Variants in TMEM132C observed in about 807,000 individuals in gnomAD.
The protein encoded by TMEM132C is protein phosphatase 1, regulatory subunit 152.
Under a neutral mutation model 61.4 loss-of-function variants are expected in TMEM132C, and 29 were observed. That is an observed-to-expected ratio of 0.47 (90% CI 0.35 to 0.64). TMEM132C has a LOEUF of 0.64. TMEM132C is among the 30% of genes least tolerant of loss of function. The probability of loss-of-function intolerance (pLI) is 0.00; values close to 1 mark genes in which losing one functional copy is unlikely to be tolerated. For missense variants in TMEM132C, 1,408 were observed against 1,476.9 expected, an observed-to-expected ratio of 0.95 and a Z score of 0.76; for synonymous variants, 656 against 633.1, an observed-to-expected ratio of 1.04 and a Z score of -0.54.
At chr12:128,526,258 A>G (rs1873081807) in intron 2 of TMEM132C, among the ~76,000 whole-genome samples, 1 of 152,224 alleles carries the variant, frequency 6.6e-6, no homozygotes, top group Non-Finnish European at 1.5e-5. Flanking sequence ...CTTATAGACA[A>G]CAGAATTTAA....
chr12:128,615,032 C>G (rs1174458948), intron 3 of TMEM132C, among the ~76,000 whole-genome samples: 2 of 152,240 alleles, frequency 1.3e-5, no homozygotes, highest in East Asian at 3.8e-4. Context: ...CCCCAACTGC[C>G]TTCCTGGCTG....
At chr12:128,673,469 C>A (rs77045595) in intron 5 of TMEM132C, among the ~76,000 whole-genome samples, 1,563 of 152,328 alleles carry the variant, frequency 0.01, 35 homozygotes, top group African/African-American at 0.036. Flanking sequence ...AGCAGGCCAA[C>A]CTGACTTAAG....
chr12:128,401,710 T>G, intron 1 of TMEM132C, among the ~76,000 whole-genome samples: 1 of 152,184 alleles, frequency 6.6e-6, no homozygotes, highest in East Asian at 1.9e-4. Flanking sequence ...GGCTCTTTGC[T>G]TGGATCACTG....
chr12:128,302,511 G>T (rs1486188938), intron 1 of TMEM132C, among the ~76,000 whole-genome samples: 2 of 152,182 alleles, frequency 1.3e-5, no homozygotes, highest in African/African-American at 4.8e-5. Flanking sequence ...TAGGGCACTA[G>T]CTTTGTCCAG....
chr12:128,552,661 C>T (rs565505082), intron 3 of TMEM132C, among the ~76,000 whole-genome samples: 3 of 152,190 alleles, frequency 2.0e-5, no homozygotes, highest in Non-Finnish European at 2.9e-5. Context: ...GTAACCCCAG[C>T]ATTTTGGGAA....
At position 128,669,436 on chromosome 12, in the gene TMEM132C, C is replaced by T. The variant is rs1954508502; in HGVS notation, c.1325C>T (p.Thr442Ile). 2 of 1,551,478 alleles carry T rather than the reference C, an allele frequency of 1.3e-6. No homozygotes were observed. The highest frequency in any genetic ancestry group is 2.0e-5 in the Admixed American group (1 of 50,980). ...TGGCAGGACACTGAAATTCTGAACA[C>T]CGCCGTACTCACAGGAAAGACAGTT... ...PLAMDTEILNTAVLTGKTVAM... is the reference protein window; with the variant it reads ...PLAMDTEILNIAVLTGKTVAM... The change falls in exon 5 of 9, where the codon ACC becomes ATC. Residue 442 changes from threonine (T) to isoleucine (I), a missense_variant. Transcript: ENST00000435159.
chr12:128,424,046 C>CAA (rs144980387), intron 2 of TMEM132C, among the ~76,000 whole-genome samples: 1,280 of 71,778 alleles, frequency 0.018, 50 homozygotes, highest in Non-Finnish European at 0.023. Context: ...GACTCTGTCT[C>CAA]AAAAAAAAAA....
chr12:128,604,430 TAGATAGATAGA>T (rs1212371160), intron 3 of TMEM132C, among the ~76,000 whole-genome samples: 268 of 149,792 alleles, frequency 1.8e-3, no homozygotes, highest in African/African-American at 6.3e-3. Flanking sequence ...GATAGATAGA[TAGATAGATAGA>T]TAGATAGATA....
At chr12:128,461,164 C>T (rs2136069262) in intron 2 of TMEM132C, among the ~76,000 whole-genome samples, 1 of 152,236 alleles carries the variant, frequency 6.6e-6, no homozygotes, top group South Asian at 2.1e-4. Context: ...TTGCTCCTGG[C>T]AGCTATTAAT....
Position 128,643,514 on chromosome 12 carries a change from C to A in TMEM132C, c.1306-25903C>A, listed in dbSNP as rs141125786. Among the ~76,000 whole-genome samples the A allele has an allele frequency of 6.8e-3, 1,038 of 152,054 alleles. 7 individuals carry two copies. Among genetic ancestry groups the A allele is most frequent in the Non-Finnish European group, 8.6e-3 (588 of 67,994 alleles). On this transcript the variant is annotated intron_variant, in intron 4 of 8. Transcript: ENST00000435159. ...CTGGCCAGAGAGCAGCGGCAAGTCA[C>A]ATGCTCAGCTGACAGCATCACACAC...
intron 5 of TMEM132C, among the ~76,000 whole-genome samples, chr12:128,687,565 G>A (rs1017053942): frequency 2.0e-5 from 3 of 152,214 alleles, no homozygotes; most frequent in South Asian, 2.1e-4. Flanking sequence ...AGAACAGCAC[G>A]TGCAAAGGCC....
intron 2 of TMEM132C, among the ~76,000 whole-genome samples, chr12:128,427,387 G>GGT (rs761620460): frequency 0.066 from 8,685 of 132,116 alleles, 430 homozygotes; most frequent in East Asian, 0.17. Context: ...CTTCCAAAGG[G>GGT]GTGTGTGTGT....
rs1305681077 is a variant in TMEM132C, at chr12:128,697,337, C to T, written c.2043C>T (p.Ala681=). The T allele has an allele frequency of 2.6e-6, 4 of 1,551,102 alleles. No homozygotes were observed. The East Asian group carries it at 7.3e-5, about 28-fold the overall frequency. The change falls in exon 8 of 9, where the codon GCC becomes GCT. Residue 681 remains alanine (A), a synonymous_variant. Transcript: ENST00000435159. ...AIQLVAGLSV[A]LYPNAENSKA... ...AGCTCGTGGCTGGGCTGTCTGTCGC[C>T]CTTTACCCCAACGCAGAAAACAGCA...
rs751399839 is a variant in TMEM132C at position 128,705,685 on chromosome 12, G to A, written c.2717G>A (p.Ser906Asn). The part of the protein sequence containing the change: ...PAHVDLPKAG[S>N]GLEENDLVQT... ...CACGTGGACCTCCCCAAGGCCGGGAGTGGGCTGGAGGAAAACGACCTGGTG... is the reference window on the plus strand; with the variant it reads ...CACGTGGACCTCCCCAAGGCCGGGAATGGGCTGGAGGAAAACGACCTGGTG... The change falls in exon 9 of 9, where the codon AGT becomes AAT. Residue 906 changes from serine (S) to asparagine (N), a missense_variant. Ser to Asn is a conservative substitution (Grantham distance 46). Coordinates refer to ENST00000435159, the MANE Select transcript of TMEM132C (RefSeq NM_001136103.3). 26 of 1,551,324 alleles carry A rather than the reference G, an allele frequency of 1.7e-5. No individual in the cohort carries two copies. The highest frequency in any genetic ancestry group is 2.1e-5 in the Non-Finnish European group (24 of 1,146,990).
chr12:128,589,426 C>T (rs1294647587), intron 3 of TMEM132C, among the ~76,000 whole-genome samples: 1 of 152,080 alleles, frequency 6.6e-6, no homozygotes, highest in Non-Finnish European at 1.5e-5. Flanking sequence ...CCAACCCACA[C>T]TGCCCGTCCG....
chr12:128,656,163 C>T (rs1954323652), intron 4 of TMEM132C, among the ~76,000 whole-genome samples: 1 of 152,136 alleles, frequency 6.6e-6, no homozygotes, highest in Non-Finnish European at 1.5e-5. Flanking sequence ...CGATTCTCCT[C>T]CATCACCCTC....
intron 3 of TMEM132C, among the ~76,000 whole-genome samples, chr12:128,564,945 C>A (rs1347401650): frequency 6.6e-6 from 1 of 152,000 alleles, no homozygotes; most frequent in Non-Finnish European, 1.5e-5. Flanking sequence ...TGTTTTTAAC[C>A]AATATTATGG....
intron 1 of TMEM132C, among the ~76,000 whole-genome samples, chr12:128,364,402 C>G (rs1422484068): frequency 1.3e-5 from 2 of 151,582 alleles, no homozygotes; most frequent in Non-Finnish European, 2.9e-5. Flanking sequence ...CTGTCTGTCT[C>G]TTGCTCTTCC....
chr12:128,301,158 G>A (rs1871584324), intron 1 of TMEM132C, among the ~76,000 whole-genome samples: 1 of 152,306 alleles, frequency 6.6e-6, no homozygotes, highest in South Asian at 2.1e-4. Flanking sequence ...GGAAGCAGAA[G>A]TAGGAGAGCT....
Sources: allele counts gnomAD v4.1 joint callset (sites outside exome capture counted in the v4.1 genomes callset), GRCh38; gene constraint gnomAD v4.1.1; transcripts MANE v1.5; gene names NCBI Gene and HGNC (gene_info 2026-07-23, HGNC 2026-07-21).